C1QTNF1: variants seen among roughly 807,000 people sequenced by gnomAD.
C1QTNF1 encodes C1q and TNF related 1.
Under a neutral mutation model 27.8 loss-of-function variants are expected in C1QTNF1, and 22 were observed. The observed-to-expected ratio is 0.79, with a 90% CI of 0.56 to 1.13. C1QTNF1 has a LOEUF of 1.13. C1QTNF1 is among the 50% of genes most tolerant of loss of function. The pLI is 0.00. For missense variants in C1QTNF1, 373 were observed against 380.2 expected, an observed-to-expected ratio of 0.98 and a Z score of 0.16; for synonymous variants, 166 against 154.3, an observed-to-expected ratio of 1.08 and a Z score of -0.56.
intron 1 of C1QTNF1, among the ~76,000 whole-genome samples, chr17:79,027,085 G>GA (rs1313535364): frequency 2.0e-5 from 3 of 151,830 alleles, no homozygotes; most frequent in South Asian, 2.1e-4. Flanking sequence ...CCTGGGCGGG[G>GA]GGGGGCTGTG....
At chr17:79,047,238 C>CTTTTTTTTCTTTTCTTTTTTT (rs1555672722) in intron 3 of C1QTNF1, 2 of 261,834 alleles carry the variant, frequency 7.6e-6, no homozygotes, top group African/African-American at 5.0e-5. Context: ...TTTTTCTTTT[C>CTTTTTTTTCTTTTCTTTTTTT]TTTTTTTTTT....
intron 1 of C1QTNF1, among the ~76,000 whole-genome samples, chr17:79,033,866 G>T (rs2072197787): frequency 6.6e-6 from 1 of 152,188 alleles, no homozygotes; most frequent in South Asian, 2.1e-4. Context: ...GTCGACATTG[G>T]CAGATGCTTA....
At chr17:79,026,670 C>T (rs1295978625) in intron 1 of C1QTNF1, among the ~76,000 whole-genome samples, 2 of 152,184 alleles carry the variant, frequency 1.3e-5, no homozygotes, top group African/African-American at 2.4e-5. Flanking sequence ...TGAGCTCATT[C>T]AGGGAGGCAG....
At chr17:79,045,650 G>A (rs541731367) in intron 2 of C1QTNF1, among the ~76,000 whole-genome samples, 3 of 152,170 alleles carry the variant, frequency 2.0e-5, no homozygotes, top group Admixed American at 1.3e-4. Context: ...CTGGGCACCC[G>A]CTGTTGATGC....
At chr17:79,025,682 G>A in intron 1 of C1QTNF1, 1 of 187,948 alleles carries the variant, frequency 5.3e-6, no homozygotes, top group Non-Finnish European at 1.2e-5. Flanking sequence ...TGTGGTGTGT[G>A]CTGCAGGGAG....
intron 1 of C1QTNF1, among the ~76,000 whole-genome samples, chr17:79,040,839 G>A (rs1288123862): frequency 1.3e-5 from 2 of 151,902 alleles, no homozygotes; most frequent in African/African-American, 4.8e-5. Flanking sequence ...AGGAGGCAGA[G>A]GCTGCAGTGA....
At chr17:79,043,208 T>C (rs969788284) in intron 1 of C1QTNF1, 1 of 452,354 alleles carries the variant, frequency 2.2e-6, no homozygotes, top group African/African-American at 2.0e-5. Flanking sequence ...TGTGTGTGGA[T>C]TGCATGTGTG....
upstream of C1QTNF1, chr17:79,023,095 C>T (rs1191896629): frequency 2.0e-5 from 3 of 152,252 alleles, no homozygotes; most frequent in Non-Finnish European, 2.9e-5. Context: ...AAAGGTGAGG[C>T]CTCTTAGTTT....
In C1QTNF1 at chr17:79,046,439, C is replaced by T; in HGVS notation, c.156-116C>T. ...AGCGTGAACACAGAGCCTTGTGGGT[C>T]CAGGTGAGAGAGTGAGAAGGCAGGT... On this transcript the variant is annotated intron_variant, in intron 2 of 3. Coordinates refer to ENST00000579760, the MANE Select transcript of C1QTNF1 (RefSeq NM_030968.5). The surrounding 1 kb of genome is among the most constrained non-coding windows in gnomAD (Gnocchi z 4.8). The T allele has an allele frequency of 7.1e-7, 1 of 1,405,826 alleles. No homozygotes were observed. The highest frequency in any genetic ancestry group is 1.3e-5 in the South Asian group (1 of 78,260). 87.1% of individuals were successfully genotyped at this position (1,405,826 alleles called of 1,614,324 possible).
Position 79,046,647 on chromosome 17 carries a change from T to C in C1QTNF1, c.248T>C (p.Met83Thr). 6.2e-6 allele frequency: 10 copies of C among 1,614,162 alleles called. No homozygotes were observed. Among genetic ancestry groups the C allele is most frequent in the Non-Finnish European group, 8.5e-6 (10 of 1,180,014 alleles). The change falls in exon 3 of 4, where the codon ATG (methionine) becomes ACG (threonine). Residue 83 changes from methionine to threonine, a missense_variant. By Grantham distance (81) the Met-to-Thr change is moderately conservative (BLOSUM62 -1). Coordinates refer to ENST00000579760, the MANE Select transcript of C1QTNF1 (RefSeq NM_030968.5). This position sits in a 1 kb window ranked among gnomAD's most constrained non-coding sequence, Gnocchi z 4.8. ...CLRCCDPGTS[M>T]YPATAVPQIN... ...CGCTGCTGTGACCCCGGTACCTCCA[T>C]GTACCCGGCGACCGCCGTGCCCCAG...
Position 79,048,070 on chromosome 17 carries a change from G to C in C1QTNF1, c.828G>C (p.Lys276Asn). Residue 276 changes from lysine (K) to asparagine (N), a missense_variant, in exon 4 of 4, where the codon AAG becomes AAC. Transcript: ENST00000579760. ...TCACCTTCAGTGGCTACCTGGTCAA[G>C]CACGCCACCGAGCCCTAGCTGGCCG... Reference protein sequence around the residue: ...TYITFSGYLVKHATEP With the variant: ...TYITFSGYLVNHATEP The C allele has an allele frequency of 6.4e-7, 1 of 1,568,456 alleles. No individual in the cohort carries two copies. Among genetic ancestry groups the C allele is most frequent in the Non-Finnish European group, 8.6e-7 (1 of 1,161,364 alleles).
In C1QTNF1 at chr17:79,047,597, G is replaced by A. The variant is rs1040292321; in HGVS notation, c.355G>A (p.Ala119Thr). ...LQGKYGKTGS[A>T]GARGHTGPKG... ...AGGGAAATATGGCAAAACAGGCTCA[G>A]CAGGGGCCAGGGGCCACACTGGACC... Residue 119 changes from alanine to threonine, a missense_variant, in exon 4 of 4, where the codon GCA (alanine) becomes ACA (threonine). Ala to Thr is a moderately conservative substitution (Grantham distance 58, BLOSUM62 0). Transcript: ENST00000579760. 3.9e-6 allele frequency: 6 copies of A among 1,553,102 alleles called. No homozygotes were observed. In the African/African-American group the frequency reaches 8.3e-5, roughly 21 times the overall value.
At position 79,048,183 on chromosome 17, in the gene C1QTNF1, G is replaced by A. The variant is rs1202577953; in HGVS notation, c.*95G>A. Reference sequence around the variant, plus strand: ...CCGATCCCTGGACTCCGACTCCCTGGCTTTGGCATTCAGTGAGACGCCCTG... The same window carrying A: ...CCGATCCCTGGACTCCGACTCCCTGACTTTGGCATTCAGTGAGACGCCCTG... On this transcript the variant is annotated 3_prime_UTR_variant, in exon 4 of 4. Transcript: ENST00000579760. The A allele has an allele frequency of 3.8e-5, 39 of 1,039,280 alleles. No homozygotes were observed. The South Asian group carries it at 7.3e-4, about 19-fold the overall frequency. 64.4% of individuals were successfully genotyped at this position (1,039,280 alleles called of 1,614,324 possible).
At chr17:79,047,380 G>A (rs566714681) in intron 3 of C1QTNF1, among the ~76,000 whole-genome samples, 158 bp from the exon 4 acceptor site, 2 of 152,204 alleles carry the variant, frequency 1.3e-5, no homozygotes, top group Middle Eastern at 3.4e-3. Flanking sequence ...CTGGGACGCC[G>A]CCCGTGGCAG....
intron 1 of C1QTNF1, among the ~76,000 whole-genome samples, chr17:79,041,517 C>G (rs993053743): frequency 1.3e-5 from 2 of 152,184 alleles, no homozygotes; most frequent in African/African-American, 2.4e-5. Context: ...GTGGCTCACG[C>G]CTGGAATCCC....
At chr17:79,041,457 T>C (rs2072406756) in intron 1 of C1QTNF1, among the ~76,000 whole-genome samples, 1 of 152,142 alleles carries the variant, frequency 6.6e-6, no homozygotes, top group Non-Finnish European at 1.5e-5. Flanking sequence ...GTGAGGGCTC[T>C]GCGGGGAGCC....
chr17:79,031,178 TG>T (rs1268185931), intron 1 of C1QTNF1, among the ~76,000 whole-genome samples: 1 of 151,364 alleles, frequency 6.6e-6, no homozygotes, highest in Non-Finnish European at 1.5e-5. Flanking sequence ...GCTAATTTTT[TG>T]TATTTTTAGT....
chr17:79,038,585 G>A (rs900085520), intron 1 of C1QTNF1, among the ~76,000 whole-genome samples: 1 of 152,222 alleles, frequency 6.6e-6, no homozygotes, highest in Non-Finnish European at 1.5e-5. Flanking sequence ...TGCTGGAACT[G>A]TCTTCAGTTG....
At chr17:79,033,242 G>A (rs1388793158) in intron 1 of C1QTNF1, among the ~76,000 whole-genome samples, 3 of 152,136 alleles carry the variant, frequency 2.0e-5, no homozygotes, top group African/African-American at 7.2e-5. Flanking sequence ...CACTTAAAAT[G>A]TGGCTCCTTG....
Sources: gnomAD v4.1 joint callset for allele counts (sites outside exome capture counted in the v4.1 genomes callset) on GRCh38, gnomAD v4.1.1 for gene constraint, Gnocchi (gnomAD v3.1) non-coding constraint, MANE v1.5 for transcripts, NCBI Gene and HGNC (gene_info 2026-07-23, HGNC 2026-07-21) for gene names.